The following ROBO2 variants were observed in gnomAD, a reference collection of about 807,000 sequenced individuals.
ROBO2 encodes roundabout homolog 2.
Under a neutral mutation model 160.8 loss-of-function variants are expected in ROBO2, and 53 were observed. The observed-to-expected ratio is 0.33, with a 90% CI of 0.26 to 0.41. The LOEUF is 0.41. Among genes scored for constraint, ROBO2 ranks in the 10% least tolerant of loss-of-function variants. The probability of loss-of-function intolerance (pLI) is 1.00; values close to 1 mark genes in which losing one functional copy is unlikely to be tolerated. For missense variants in ROBO2, 1,577 were observed against 1,722.4 expected (o/e 0.92, Z 1.49); for synonymous variants, 664 against 611.7 (o/e 1.09, Z -1.26).
intron 2 of ROBO2, among the ~76,000 whole-genome samples, chr3:76,210,570 T>G (rs747383641): frequency 1.3e-5 from 2 of 152,104 alleles, no homozygotes; most frequent in Admixed American, 1.3e-4. Context: ...GATTAAGAGC[T>G]TCTTTCTATG....
At chr3:76,056,948 A>G (rs2067870144) in intron 2 of ROBO2, among the ~76,000 whole-genome samples, 3 of 152,198 alleles carry the variant, frequency 2.0e-5, no homozygotes, top group Admixed American at 2.0e-4. Flanking sequence ...GTCCTTTTAA[A>G]AAAATGATTA....
chr3:76,654,141 T>C (rs923884632), intron 2 of ROBO2, among the ~76,000 whole-genome samples: 13 of 152,164 alleles, frequency 8.5e-5, no homozygotes, highest in Non-Finnish European at 1.9e-4. Flanking sequence ...CTGCTCATAT[T>C]CCTCATTGAA....
intron 2 of ROBO2, among the ~76,000 whole-genome samples, chr3:77,320,549 C>A (rs543591033): frequency 6.8e-6 from 1 of 147,336 alleles, no homozygotes. Flanking sequence ...GTTTCTCTTT[C>A]TAGCTCTTAA....
At chr3:77,587,619 G>A (rs1007088692) in intron 16 of ROBO2, among the ~76,000 whole-genome samples, 1 of 152,126 alleles carries the variant, frequency 6.6e-6, no homozygotes, top group Non-Finnish European at 1.5e-5. Flanking sequence ...AGAAGATTTA[G>A]TGCCCTATAT....
At chr3:76,546,144 T>C (rs2083084735) in intron 2 of ROBO2, among the ~76,000 whole-genome samples, 1 of 151,868 alleles carries the variant, frequency 6.6e-6, no homozygotes, top group African/African-American at 2.4e-5. Context: ...TTTTCAAGAG[T>C]GGTCCGTGTG....
intron 1 of ROBO2, among the ~76,000 whole-genome samples, chr3:75,919,673 TTTTTG>T (rs1434379247): frequency 6.6e-6 from 1 of 152,176 alleles, no homozygotes; most frequent in East Asian, 1.9e-4. Flanking sequence ...TCCTGGGCTT[TTTTTG>T]GTTGGTAGGC....
intron 22 of ROBO2, among the ~76,000 whole-genome samples, chr3:77,621,084 C>G (rs1223261864): frequency 6.9e-6 from 1 of 144,216 alleles, no homozygotes; most frequent in Non-Finnish European, 1.5e-5. Flanking sequence ...TGTTAGCTAC[C>G]TGATTTGAAA....
At chr3:76,465,118 C>T (rs1053836212) in intron 2 of ROBO2, among the ~76,000 whole-genome samples, 1 of 152,028 alleles carries the variant, frequency 6.6e-6, no homozygotes, top group Admixed American at 6.6e-5. Context: ...CTACATGAAT[C>T]ATAATTTTTA....
At position 76,622,245 on chromosome 3, in the gene ROBO2, A is replaced by G. The variant is rs868349250; in HGVS notation, c.110-475769A>G. On this transcript the variant is annotated intron_variant, in intron 2 of 26. Coordinates refer to the ROBO2 transcript ENST00000487694. The stretch of plus-strand genomic sequence containing the variant: ...AAGGAAGGAAGGAAGGAAGAAAGAA[A>G]GAAAGAAAGAAAGAAAGAAAGAAAG... 7.6e-3 allele frequency among the ~76,000 whole-genome samples: 331 copies of G among 43,608 alleles called. 5 individuals are homozygous for G. The highest frequency in any genetic ancestry group is 0.014 in the African/African-American group (140 of 10,200). 28.6% of individuals were successfully genotyped at this position (43,608 alleles called of 152,430 possible). A position where few individuals can be genotyped will look rare whatever the true frequency, so the allele number is the denominator to read the frequency against.
At chr3:75,928,228 C>A (rs1168796352) in intron 1 of ROBO2, among the ~76,000 whole-genome samples, 1 of 152,162 alleles carries the variant, frequency 6.6e-6, no homozygotes, top group Non-Finnish European at 1.5e-5. Context: ...TCGTGATCCA[C>A]ACGCCTCGAC....
intron 2 of ROBO2, among the ~76,000 whole-genome samples, chr3:76,545,103 C>T (rs962543856): frequency 4.0e-5 from 6 of 151,758 alleles, no homozygotes; most frequent in Admixed American, 3.3e-4. Context: ...TGAACTTATC[C>T]ATCTTCTATT....
intron 2 of ROBO2, among the ~76,000 whole-genome samples, chr3:76,114,655 A>C (rs1294589453): frequency 6.6e-6 from 1 of 152,114 alleles, no homozygotes; most frequent in Non-Finnish European, 1.5e-5. Context: ...ATCAAGCTGA[A>C]GTTAAGACTC....
chr3:76,938,971 CAAAAAAAAAAAAAA>C (rs71629626), intron 2 of ROBO2, among the ~76,000 whole-genome samples: 51 of 114,554 alleles, frequency 4.5e-4, no homozygotes, highest in Admixed American at 8.0e-4. Flanking sequence ...AACTCAGTCT[CAAAAAAAAAAAAAA>C]AAAAAAAAAA....
intron 2 of ROBO2, among the ~76,000 whole-genome samples, chr3:77,104,227 C>G (rs1436627613): frequency 6.6e-6 from 1 of 152,128 alleles, no homozygotes; most frequent in Non-Finnish European, 1.5e-5. Flanking sequence ...CCTGCACCCT[C>G]TCACCCCAGC....
chr3:77,121,774 T>A (rs2074798817), intron 2 of ROBO2, among the ~76,000 whole-genome samples: 1 of 152,156 alleles, frequency 6.6e-6, no homozygotes, highest in Admixed American at 6.5e-5. Flanking sequence ...CAGTTTTCTC[T>A]ATATTATAGA....
Position 75,912,553 on chromosome 3 carries a change from T to C in ROBO2, c.-14+5593T>C, listed in dbSNP as rs527687685. Reference sequence around the variant, plus strand: ...AGTAATGTTTGAATTTTCTAGGTATTGTCCCCAGACTGGCTTAAAAGAATT... The same window carrying C: ...AGTAATGTTTGAATTTTCTAGGTATCGTCCCCAGACTGGCTTAAAAGAATT... On this transcript the variant is annotated intron_variant, in intron 1 of 26. Transcript: ENST00000487694. Among the ~76,000 whole-genome samples, 138 of 152,340 alleles carry C rather than the reference T, an allele frequency of 9.1e-4. 1 individual carries two copies. The highest frequency in any genetic ancestry group is 3.2e-3 in the African/African-American group (135 of 41,578).
chr3:77,031,428 T>C (rs1005412341), intron 2 of ROBO2, among the ~76,000 whole-genome samples: 68 of 148,158 alleles, frequency 4.6e-4, no homozygotes, highest in African/African-American at 1.6e-3. Context: ...CATAAGCATA[T>C]ACATATGTTT....
intron 2 of ROBO2, among the ~76,000 whole-genome samples, chr3:76,551,339 C>T (rs1016063483): frequency 3.9e-5 from 6 of 152,106 alleles, no homozygotes; most frequent in Non-Finnish European, 4.4e-5. Context: ...ATCAGGACAA[C>T]CTGCCTGCAG....
At chr3:76,743,828 A>T (rs1282474948) in intron 2 of ROBO2, among the ~76,000 whole-genome samples, 1 of 152,014 alleles carries the variant, frequency 6.6e-6, no homozygotes, top group African/African-American at 2.4e-5. Context: ...GGAGAGGGAA[A>T]ACCAGGAGGC....
Sources: gnomAD v4.1 joint callset for allele counts (sites outside exome capture counted in the v4.1 genomes callset) on GRCh38, gnomAD v4.1.1 for gene constraint, MANE v1.5 for transcripts, NCBI Gene and HGNC (gene_info 2026-07-23, HGNC 2026-07-21) for gene names.